Variants in GALNT17 observed in about 807,000 individuals in gnomAD.
GALNT17 encodes UDP-GalNAc:polypeptide N-acetylgalactosaminyltransferase-like 3.
Under a neutral mutation model 63.7 loss-of-function variants are expected in GALNT17, and 29 were observed. The ratio of observed to expected loss-of-function variants is 0.46; its 90% CI spans 0.34 to 0.62. The LOEUF (loss-of-function observed/expected upper bound fraction) is 0.62. Ranked by LOEUF, GALNT17 falls within the 20% of genes least tolerant of loss-of-function variation. The probability of loss-of-function intolerance (pLI) is 0.01; values close to 1 mark genes in which losing one functional copy is unlikely to be tolerated. For synonymous variants in GALNT17, 305 were observed against 318.3 expected (o/e 0.96, Z 0.45); for missense variants, 603 against 799.6 (o/e 0.75, Z 2.97).
At chr7:71,135,678 T>A (rs1421970949) in intron 1 of GALNT17, among the ~76,000 whole-genome samples, 1 of 152,182 alleles carries the variant, frequency 6.6e-6, no homozygotes, top group Non-Finnish European at 1.5e-5. Context: ...CTAACAAACT[T>A]GGGACAGGGC....
intron 6 of GALNT17, among the ~76,000 whole-genome samples, chr7:71,660,239 C>A (rs1790886767): frequency 6.6e-6 from 1 of 152,188 alleles, no homozygotes; most frequent in Admixed American, 6.5e-5. Context: ...TTCCCCACTT[C>A]CCTAGCAAAG....
intron 1 of GALNT17, among the ~76,000 whole-genome samples, chr7:71,176,875 A>G (rs1465231438): frequency 6.6e-6 from 1 of 152,118 alleles, no homozygotes; most frequent in Non-Finnish European, 1.5e-5. Flanking sequence ...TTGAGCACTT[A>G]CGGTATGCTG....
intron 1 of GALNT17, among the ~76,000 whole-genome samples, chr7:71,227,715 T>G (rs562824762): frequency 1.3e-5 from 2 of 152,324 alleles, no homozygotes; most frequent in African/African-American, 4.8e-5. Context: ...GGATTGATGT[T>G]TTAATTTAAT....
At chr7:71,134,656 G>T (rs1278291662) in intron 1 of GALNT17, among the ~76,000 whole-genome samples, 1 of 152,008 alleles carries the variant, frequency 6.6e-6, no homozygotes, top group African/African-American at 2.4e-5. Flanking sequence ...GGCACAGAAT[G>T]CGACAAAAAC....
intron 3 of GALNT17, among the ~76,000 whole-genome samples, chr7:71,414,960 A>G (rs961342316): frequency 7.9e-5 from 12 of 151,126 alleles, no homozygotes; most frequent in Non-Finnish European, 1.8e-4. Context: ...ATACCTGGTG[A>G]TTTTTATGCA....
rs115701216 is a variant in GALNT17 at position 71,687,173 on chromosome 7, C to T, written c.1500+9867C>T. On this transcript the variant is annotated intron_variant, in intron 9 of 10. Transcript: ENST00000333538. ...TTTTCCTCCTCTTCTCCGTCCTTTC[C>T]GAGAGACTCAACGTTTCTTCTCTCA... Among the ~76,000 whole-genome samples, 991 of 152,244 alleles carry T rather than the reference C, an allele frequency of 6.5e-3. 11 individuals are homozygous for T. The highest frequency in any genetic ancestry group is 0.023 in the African/African-American group (945 of 41,536).
At chr7:71,484,420 A>G (rs1447840966) in intron 5 of GALNT17, among the ~76,000 whole-genome samples, 4 of 152,172 alleles carry the variant, frequency 2.6e-5, no homozygotes, top group African/African-American at 7.2e-5. Flanking sequence ...CTCAGGAGGC[A>G]GAGGCTGCAG....
chr7:71,154,640 G>A (rs971880889), intron 1 of GALNT17, among the ~76,000 whole-genome samples: 15 of 152,094 alleles, frequency 9.9e-5, no homozygotes, highest in African/African-American at 3.4e-4. Flanking sequence ...GCGGTGGCAC[G>A]ATCTCGGCTC....
rs116173285 is a variant in GALNT17, at chr7:71,458,229, C to A, written c.962+37124C>A. ...TAATTGGTCTTTGTTTGCTCCAGAA[C>A]ATAGAAAGTAGAGCTTTTTCATTGC... On this transcript the variant is annotated intron_variant, in intron 5 of 10. Transcript: ENST00000333538. Among the ~76,000 whole-genome samples, 592 of 152,296 alleles carry A rather than the reference C, an allele frequency of 3.9e-3. 3 individuals carry two copies. The highest frequency in any genetic ancestry group is 0.013 in the African/African-American group (554 of 41,554).
At chr7:71,405,624 C>T (rs900090066) in intron 3 of GALNT17, among the ~76,000 whole-genome samples, 1 of 152,094 alleles carries the variant, frequency 6.6e-6, no homozygotes, top group Non-Finnish European at 1.5e-5. Flanking sequence ...ATGTATTGCT[C>T]ACAATTCAGG....
At chr7:71,670,187 G>A in intron 8 of GALNT17, 78 bp downstream of exon 8, 1 of 1,588,924 alleles carries the variant, frequency 6.3e-7, no homozygotes, top group Non-Finnish European at 8.6e-7. Context: ...GAGAAATAGA[G>A]TTGCTCATTC....
intron 6 of GALNT17, among the ~76,000 whole-genome samples, chr7:71,613,518 G>A (rs914398060): frequency 6.6e-6 from 1 of 152,174 alleles, no homozygotes; most frequent in Non-Finnish European, 1.5e-5. Flanking sequence ...TTCTTTCCAT[G>A]AGTAGCCTCT....
intron 2 of GALNT17, among the ~76,000 whole-genome samples, chr7:71,348,154 A>T (rs1274920853): frequency 6.6e-6 from 1 of 151,636 alleles, no homozygotes; most frequent in Non-Finnish European, 1.5e-5. Context: ...TCAGATACTC[A>T]GGGGGCTGAG....
At chr7:71,456,596 C>A (rs1385785704) in intron 5 of GALNT17, among the ~76,000 whole-genome samples, 3 of 151,102 alleles carry the variant, frequency 2.0e-5, no homozygotes, top group Non-Finnish European at 4.4e-5. Flanking sequence ...TGGTGGCGGA[C>A]GCCTGTAATC....
intron 6 of GALNT17, among the ~76,000 whole-genome samples, chr7:71,580,120 T>C (rs1477105542): frequency 3.3e-5 from 5 of 151,906 alleles, no homozygotes; most frequent in Admixed American, 6.6e-5. Flanking sequence ...ATAGATTAGA[T>C]TGATAATAGA....
intron 9 of GALNT17, among the ~76,000 whole-genome samples, chr7:71,709,259 G>T (rs1270089764): frequency 2.0e-5 from 3 of 152,144 alleles, no homozygotes; most frequent in Non-Finnish European, 4.4e-5. Flanking sequence ...CATTCTTGCT[G>T]GTGTGAGATG....
At chr7:71,542,221 A>G (rs1233800533) in intron 5 of GALNT17, among the ~76,000 whole-genome samples, 1 of 152,174 alleles carries the variant, frequency 6.6e-6, no homozygotes, top group Non-Finnish European at 1.5e-5. Flanking sequence ...AATTAAATAC[A>G]TGTAACACTG....
At chr7:71,249,432 C>T (rs1180921099) in intron 1 of GALNT17, among the ~76,000 whole-genome samples, 2 of 152,074 alleles carry the variant, frequency 1.3e-5, no homozygotes, top group African/African-American at 4.8e-5. Context: ...CCTCCAATAC[C>T]TGCATATATG....
At chr7:71,601,493 G>T (rs1249967943) in intron 6 of GALNT17, among the ~76,000 whole-genome samples, 1 of 152,036 alleles carries the variant, frequency 6.6e-6, no homozygotes, top group African/African-American at 2.4e-5. Context: ...AAGGGGAGGG[G>T]GTGAGTTGGT....
Sources: allele counts gnomAD v4.1 joint callset (sites outside exome capture counted in the v4.1 genomes callset), GRCh38; gene constraint gnomAD v4.1.1; transcripts MANE v1.5; gene names NCBI Gene and HGNC (gene_info 2026-07-23, HGNC 2026-07-21).